The following AFF2 variants were observed in gnomAD, a reference collection of about 807,000 sequenced individuals.
AFF2 encodes the protein ALF transcription elongation factor 2.
AFF2 carries 14 observed loss-of-function variants against 76.9 expected under a neutral mutation model. That is an observed-to-expected ratio of 0.18 (90% CI 0.12 to 0.28). The LOEUF is 0.28. Among genes scored for constraint, AFF2 ranks in the 10% least tolerant of loss-of-function variants. The pLI is 1.00. For synonymous variants in AFF2, 398 were observed against 366.7 expected (o/e 1.09, Z -0.98); for missense variants, 868 against 1,001.1 (o/e 0.87, Z 1.79).
intron 3 of AFF2, among the ~76,000 whole-genome samples, chrX:148,719,417 G>A (rs1251577743): frequency 5.4e-5 from 6 of 111,648 alleles, no homozygotes; most frequent in African/African-American, 2.0e-4. Context: ...TTCTCACTAA[G>A]TAAGGAAACT....
At chrX:148,837,264 C>T (rs148726464) in intron 4 of AFF2, among the ~76,000 whole-genome samples, 1,158 of 112,056 alleles carry the variant, frequency 0.01, 13 homozygotes, top group African/African-American at 0.036. Flanking sequence ...GGAGAAGAGA[C>T]GATGCCAGGG....
At chrX:148,944,447 C>T (rs1204395985) in intron 9 of AFF2, among the ~76,000 whole-genome samples, 3 of 111,405 alleles carry the variant, frequency 2.7e-5, no homozygotes, top group East Asian at 2.8e-4. Context: ...CCAGAGCTCA[C>T]GGGAGTCAGT....
At chrX:148,830,973 G>T (rs2070447050) in intron 4 of AFF2, among the ~76,000 whole-genome samples, 2 of 111,495 alleles carry the variant, frequency 1.8e-5, no homozygotes, top group Admixed American at 9.5e-5. Context: ...GGCCATTTTA[G>T]AGGCCTCCCC....
chrX:148,523,866 C>G (rs782548566), intron 1 of AFF2, among the ~76,000 whole-genome samples: 1 of 111,456 alleles, frequency 9.0e-6, no homozygotes, highest in Non-Finnish European at 1.9e-5. Context: ...TTAGGGTAAT[C>G]GTGTAGGCAG....
chrX:148,733,824 A>T (rs1474526851), intron 3 of AFF2, among the ~76,000 whole-genome samples: 1 of 112,155 alleles, frequency 8.9e-6, no homozygotes, highest in Non-Finnish European at 1.9e-5. Flanking sequence ...GGGCCTGACC[A>T]AATGCTAGTT....
chrX:148,886,885 T>C (rs2071165908), intron 8 of AFF2, among the ~76,000 whole-genome samples: 1 of 112,341 alleles, frequency 8.9e-6, no homozygotes, highest in African/African-American at 3.2e-5. Flanking sequence ...TTAACAAATA[T>C]GGAATTCCAT....
In AFF2 at chrX:148,604,184, C is replaced by G. The variant is rs1275390940; in HGVS notation, c.48-47815C>G. 6.3e-5 allele frequency among the ~76,000 whole-genome samples: 7 copies of G among 111,720 alleles called. No homozygotes were observed. In the East Asian group the frequency reaches 1.7e-3, roughly 27 times the overall value. On this transcript the variant is annotated intron_variant, in intron 1 of 20. Coordinates refer to ENST00000370460, the MANE Select transcript of AFF2 (RefSeq NM_002025.4). ...TTTCTTGGAAGATGGGTTTACTCAA[C>G]TGAAATGTATAAAATTTCACTTCCT...
intron 3 of AFF2, among the ~76,000 whole-genome samples, chrX:148,795,239 AG>A (rs1557270290): frequency 9.0e-6 from 1 of 111,426 alleles, no homozygotes; most frequent in Non-Finnish European, 1.9e-5. Context: ...ATATGCCACC[AG>A]GGTTCTGTTC....
At chrX:148,956,800 G>C (rs1437313952) in intron 11 of AFF2, among the ~76,000 whole-genome samples, 187 bp downstream of exon 11, 1 of 112,942 alleles carries the variant, frequency 8.9e-6, no homozygotes, top group Admixed American at 9.3e-5. Flanking sequence ...GAAATGATCT[G>C]TAGCCAGTGG....
intron 3 of AFF2, among the ~76,000 whole-genome samples, chrX:148,670,997 T>C (rs1229237893): frequency 9.0e-6 from 1 of 111,022 alleles, no homozygotes; most frequent in Non-Finnish European, 1.9e-5. Context: ...CCTCAAGTCC[T>C]CTTCTTTCTC....
At chrX:148,727,871 T>C (rs782330874) in intron 3 of AFF2, among the ~76,000 whole-genome samples, 3 of 112,060 alleles carry the variant, frequency 2.7e-5, no homozygotes, top group Non-Finnish European at 5.6e-5. Context: ...GATGTTTCTG[T>C]TGCAGATGTT....
At chrX:148,733,975 C>G (rs1460273834) in intron 3 of AFF2, among the ~76,000 whole-genome samples, 1 of 112,396 alleles carries the variant, frequency 8.9e-6, no homozygotes, top group Non-Finnish European at 1.9e-5. Context: ...TATTAAATAT[C>G]CTTGCATGGC....
intron 1 of AFF2, among the ~76,000 whole-genome samples, chrX:148,527,428 C>CCTTT (rs782467595): frequency 9.0e-6 from 1 of 111,314 alleles, no homozygotes; most frequent in Non-Finnish European, 1.9e-5. Flanking sequence ...GATCTTGGAC[C>CCTTT]CTTTCTTTCT....
At chrX:148,931,809 A>C (rs7052829) in intron 9 of AFF2, among the ~76,000 whole-genome samples, 3,597 of 112,161 alleles carry the variant, frequency 0.032, 123 homozygotes, top group African/African-American at 0.11. Context: ...TCCACTCCAG[A>C]AAGAAAAGAG....
intron 3 of AFF2, among the ~76,000 whole-genome samples, chrX:148,732,668 G>C (rs930431301): frequency 3.8e-5 from 4 of 105,932 alleles, no homozygotes; most frequent in African/African-American, 1.4e-4. Flanking sequence ...TTCTGATCTT[G>C]TTTAGCTTCT....
intron 1 of AFF2, among the ~76,000 whole-genome samples, chrX:148,581,598 G>T (rs1340187231): frequency 2.9e-5 from 3 of 103,345 alleles, no homozygotes; most frequent in Non-Finnish European, 5.9e-5. Context: ...ACATATATAC[G>T]TATACGTGTA....
intron 3 of AFF2, among the ~76,000 whole-genome samples, chrX:148,682,465 C>A (rs782255242): frequency 1.8e-5 from 2 of 111,464 alleles, no homozygotes; most frequent in East Asian, 5.7e-4. Flanking sequence ...GACAGCCAGA[C>A]CAGCCCGCTT....
chrX:148,515,386 T>A (rs1033442644), intron 1 of AFF2, among the ~76,000 whole-genome samples: 7 of 112,413 alleles, frequency 6.2e-5, no homozygotes, highest in Non-Finnish European at 1.3e-4. Context: ...TTCTAGCTGT[T>A]TTGCTTTAGC....
intron 3 of AFF2, among the ~76,000 whole-genome samples, chrX:148,676,688 G>C (rs1313140886): frequency 1.8e-5 from 2 of 111,995 alleles, no homozygotes; most frequent in Non-Finnish European, 3.8e-5. Context: ...CTAGCTCTTG[G>C]AGTATGATTG....
Sources: allele counts gnomAD v4.1 joint callset (sites outside exome capture counted in the v4.1 genomes callset), GRCh38; gene constraint gnomAD v4.1.1; transcripts MANE v1.5; gene names NCBI Gene and HGNC (gene_info 2026-07-23, HGNC 2026-07-21).